Variants in CAMK1D observed in about 807,000 individuals in gnomAD.
The protein encoded by CAMK1D is calcium/calmodulin-dependent protein kinase type 1D.
In CAMK1D, 9 loss-of-function variants were observed where a neutral mutation model predicts 47.7. The ratio of observed to expected loss-of-function variants is 0.19; its 90% CI spans 0.11 to 0.33. The LOEUF (loss-of-function observed/expected upper bound fraction) is 0.33. CAMK1D is among the 10% of genes least tolerant of loss of function. The pLI, the probability that CAMK1D is intolerant of heterozygous loss-of-function variation, is 1.00. For synonymous variants in CAMK1D, 184 were observed against 184.9 expected, an observed-to-expected ratio of 0.99 and a Z score of 0.04; for missense variants, 291 against 488.7, an observed-to-expected ratio of 0.60 and a Z score of 3.81.
intron 3 of CAMK1D, among the ~76,000 whole-genome samples, chr10:12,675,302 A>G (rs978151501): frequency 4.6e-5 from 7 of 152,144 alleles, no homozygotes; most frequent in African/African-American, 1.7e-4. Flanking sequence ...CCAGAACTCT[A>G]AGCTTGTATA....
Position 12,764,385 on chromosome 10 carries a change from A to AAAAAAAAAC in CAMK1D, c.438+3307_438+3308insCAAAAAAAA, listed in dbSNP as rs979503272. Among the ~76,000 whole-genome samples, 5 of 151,160 alleles carry AAAAAAAAAC rather than the reference A, an allele frequency of 3.3e-5. 2 individuals carry two copies. The highest frequency in any genetic ancestry group is 2.0e-4 in the Admixed American group (3 of 15,188). ...AACAAGAATGACACTTTGTCTCAAA[A>AAAAAAAAAC]AAAAAAAAAAAAACATTGATCTAAA... On this transcript the variant is annotated intron_variant, in intron 4 of 10. Transcript: ENST00000619168.
intron 1 of CAMK1D, among the ~76,000 whole-genome samples, chr10:12,404,889 A>G (rs1261722811): frequency 6.6e-6 from 1 of 151,958 alleles, no homozygotes; most frequent in Admixed American, 6.6e-5. Flanking sequence ...GGGTTTCTCC[A>G]TGTTGGTCGG....
chr10:12,370,523 A>G (rs1287755721), intron 1 of CAMK1D, among the ~76,000 whole-genome samples: 1 of 152,116 alleles, frequency 6.6e-6, no homozygotes, highest in African/African-American at 2.4e-5. Flanking sequence ...GTGCGTGAAG[A>G]CCTTCCAGTG....
At chr10:12,472,797 C>T (rs945112191) in intron 1 of CAMK1D, among the ~76,000 whole-genome samples, 14 of 152,212 alleles carry the variant, frequency 9.2e-5, no homozygotes, top group African/African-American at 3.4e-4. Flanking sequence ...GCTGGGATTA[C>T]AGGCGTGAGC....
At chr10:12,497,246 A>G (rs1292632302) in intron 1 of CAMK1D, among the ~76,000 whole-genome samples, 1 of 152,116 alleles carries the variant, frequency 6.6e-6, no homozygotes. Flanking sequence ...TGGGAGGCCG[A>G]AGCCGGAGGA....
chr10:12,761,183 G>C, intron 4 of CAMK1D, 97 bp downstream of exon 4: 3 of 1,406,156 alleles, frequency 2.1e-6, no homozygotes, highest in Non-Finnish European at 2.9e-6. Context: ...CAGCTGCTCT[G>C]ATGTAGAGTG....
intron 2 of CAMK1D, among the ~76,000 whole-genome samples, chr10:12,644,221 C>T (rs1302000762): frequency 6.6e-6 from 1 of 152,148 alleles, no homozygotes; most frequent in Non-Finnish European, 1.5e-5. Flanking sequence ...GCCCTATGGT[C>T]CCTCTCACTG....
intron 1 of CAMK1D, among the ~76,000 whole-genome samples, chr10:12,511,022 T>C (rs534871016): frequency 1.3e-5 from 2 of 152,358 alleles, no homozygotes; most frequent in South Asian, 4.1e-4. Context: ...CTTTTCATTC[T>C]TGCAGCACTT....
At chr10:12,789,646 T>A (rs139259721) in intron 5 of CAMK1D, among the ~76,000 whole-genome samples, 3 of 152,262 alleles carry the variant, frequency 2.0e-5, no homozygotes, top group African/African-American at 7.2e-5. Flanking sequence ...ACATTCCCAC[T>A]GGGTAACGTT....
intron 1 of CAMK1D, among the ~76,000 whole-genome samples, chr10:12,442,726 G>A (rs1252698097): frequency 6.6e-6 from 1 of 152,124 alleles, no homozygotes; most frequent in Non-Finnish European, 1.5e-5. Context: ...TTTATATCGA[G>A]TGTTTTTTTC....
In CAMK1D at chr10:12,608,414, G is replaced by A. The variant is rs193192389; in HGVS notation, c.224+55058G>A. Among the ~76,000 whole-genome samples the A allele has an allele frequency of 6.2e-4, 94 of 152,300 alleles. 2 individuals are homozygous for A. Among genetic ancestry groups the A allele is most frequent in the Admixed American group, 6.1e-3 (94 of 15,298 alleles). ...GCCTGGGCAACAAGAGTGAAACTCT[G>A]TCTCAAAAAAAGAACAAACATATTT... is the stretch of plus-strand genomic sequence containing the variant. On this transcript the variant is annotated intron_variant, in intron 2 of 10. Transcript: ENST00000619168.
intron 3 of CAMK1D, among the ~76,000 whole-genome samples, chr10:12,674,759 C>T (rs1204061181): frequency 1.3e-5 from 2 of 151,766 alleles, no homozygotes; most frequent in African/African-American, 2.4e-5. Context: ...CAGGGTCAGG[C>T]GCGGTGGCTC....
intron 5 of CAMK1D, among the ~76,000 whole-genome samples, chr10:12,771,801 A>G (rs996784332): frequency 4.6e-5 from 7 of 152,234 alleles, no homozygotes; most frequent in African/African-American, 1.7e-4. Flanking sequence ...TGAGAGGCCA[A>G]GGTGGTTGGG....
At chr10:12,527,360 T>TC (rs1835659344) in intron 1 of CAMK1D, among the ~76,000 whole-genome samples, 1 of 145,120 alleles carries the variant, frequency 6.9e-6, no homozygotes, top group Admixed American at 6.8e-5. Context: ...CTTTTTTTTT[T>TC]TTTTTTTTTT....
intron 2 of CAMK1D, among the ~76,000 whole-genome samples, chr10:12,642,308 G>A (rs933340011): frequency 1.3e-5 from 2 of 152,172 alleles, no homozygotes; most frequent in Non-Finnish European, 2.9e-5. Context: ...GCACTTTCAG[G>A]GCCTGGCATG....
chr10:12,560,694 T>A (rs11593572), intron 2 of CAMK1D, among the ~76,000 whole-genome samples: 2 of 151,524 alleles, frequency 1.3e-5, no homozygotes, highest in Non-Finnish European at 2.9e-5. Context: ...CCAATACAGC[T>A]TTTTAAGGAT....
intron 1 of CAMK1D, among the ~76,000 whole-genome samples, chr10:12,463,988 T>A (rs556621597): frequency 1.3e-5 from 2 of 152,272 alleles, no homozygotes; most frequent in Admixed American, 6.5e-5. Context: ...TCCACCATGA[T>A]TGTAAGTTTC....
chr10:12,532,315 T>C (rs1835831398), intron 1 of CAMK1D, among the ~76,000 whole-genome samples: 1 of 151,526 alleles, frequency 6.6e-6, no homozygotes, highest in Non-Finnish European at 1.5e-5. Flanking sequence ...AGTCTCGCTC[T>C]GTCGCCCAGG....
chr10:12,793,840 G>T (rs1248067864), intron 6 of CAMK1D, among the ~76,000 whole-genome samples: 1 of 152,212 alleles, frequency 6.6e-6, no homozygotes, highest in African/African-American at 2.4e-5. Flanking sequence ...AACTAACCAC[G>T]TTTACCATGG....
Sources: allele counts gnomAD v4.1 joint callset (sites outside exome capture counted in the v4.1 genomes callset), GRCh38; gene constraint gnomAD v4.1.1; transcripts MANE v1.5; gene names NCBI Gene and HGNC (gene_info 2026-07-23, HGNC 2026-07-21).